Variants in ADAM18 observed in about 807,000 individuals in gnomAD.
ADAM18 encodes the protein disintegrin and metalloproteinase domain-containing protein 18.
A neutral mutation model predicts 94.4 loss-of-function variants in ADAM18; 117 were observed. The observed-to-expected ratio is 1.24, with a 90% confidence interval of 1.07 to 1.45. ADAM18 has a LOEUF of 1.45. Ranked by LOEUF, ADAM18 falls within the 40% of genes most tolerant of loss-of-function variation. ADAM18 has a pLI of 0.00. For synonymous variants in ADAM18, 327 were observed against 291.6 expected (o/e 1.12, Z -1.24); for missense variants, 936 against 880.0 (o/e 1.06, Z -0.81).
chr8:39,707,965 T>A (rs1822287617), intron 18 of ADAM18, among the ~76,000 whole-genome samples: 1 of 152,172 alleles, frequency 6.6e-6, no homozygotes, highest in African/African-American at 2.4e-5. Context: ...CAAAGCACTG[T>A]AACGGCGTAA....
chr8:39,660,220 A>G (rs188612400), intron 12 of ADAM18, among the ~76,000 whole-genome samples: 10 of 152,218 alleles, frequency 6.6e-5, no homozygotes, highest in Admixed American at 4.6e-4. Context: ...AATAACAACT[A>G]AAAAAATGGC....
chr8:39,655,383 A>G (rs540233656), intron 12 of ADAM18, among the ~76,000 whole-genome samples: 11 of 152,324 alleles, frequency 7.2e-5, no homozygotes, highest in African/African-American at 2.6e-4. Context: ...GATACAACAT[A>G]TACATAAACA....
At chr8:39,601,800 C>T (rs1443612459) in intron 2 of ADAM18, among the ~76,000 whole-genome samples, 2 of 152,182 alleles carry the variant, frequency 1.3e-5, no homozygotes, top group African/African-American at 4.8e-5. Flanking sequence ...AAAACTGAAT[C>T]TGTATACCCA....
chr8:39,680,335 C>A, intron 16 of ADAM18, 109 bp downstream of exon 16: 1 of 1,058,818 alleles, frequency 9.4e-7, no homozygotes, highest in Non-Finnish European at 1.3e-6. Context: ...TAAACTTGTG[C>A]TGGCATTTAT....
In ADAM18 at chr8:39,609,490, T is replaced by C. The variant is rs1250514276; in HGVS notation, c.273T>C (p.His91=). 3 of 1,610,538 alleles carry C rather than the reference T, an allele frequency of 1.9e-6. No individual in the cohort carries two copies. The highest frequency in any genetic ancestry group is 3.3e-5 in the Admixed American group (2 of 59,960). ...LHSVSPYFMM[H]CHYQGYAAEF... ...CTTTCTATACTGTTTTTCAGATGCA[T>C]TGCCATTACCAAGGATATGCTGCCG... Residue 91 remains histidine, a synonymous_variant, in exon 5 of 20, where the codon CAT becomes CAC. Coordinates refer to ENST00000265707, the MANE Select transcript of ADAM18 (RefSeq NM_014237.3).
intron 17 of ADAM18, among the ~76,000 whole-genome samples, chr8:39,706,453 T>G (rs1285616384): frequency 1.8e-4 from 27 of 152,114 alleles, no homozygotes; most frequent in Admixed American, 1.7e-3. Context: ...TGTTTCCAAA[T>G]TACTAAATAA....
At chr8:39,699,748 A>G (rs543837029) in intron 17 of ADAM18, among the ~76,000 whole-genome samples, 61 of 152,302 alleles carry the variant, frequency 4.0e-4, no homozygotes, top group Non-Finnish European at 8.2e-4. Flanking sequence ...TGTAGAGTAA[A>G]TATTGTTTCA....
At chr8:39,690,610 C>T (rs148889722) in intron 16 of ADAM18, among the ~76,000 whole-genome samples, 18 of 152,124 alleles carry the variant, frequency 1.2e-4, no homozygotes, top group African/African-American at 4.1e-4. Context: ...TATTGTTGTG[C>T]AACTGTCACT....
chr8:39,672,375 T>G (rs367657688), intron 14 of ADAM18, among the ~76,000 whole-genome samples: 1 of 152,294 alleles, frequency 6.6e-6, no homozygotes, highest in East Asian at 1.9e-4. Flanking sequence ...CAGATAGCAG[T>G]GCTTACCTAC....
intron 14 of ADAM18, among the ~76,000 whole-genome samples, chr8:39,673,929 G>T (rs113856595): frequency 1.3e-5 from 2 of 152,206 alleles, no homozygotes; most frequent in South Asian, 2.1e-4. Flanking sequence ...GTAGTTGTGC[G>T]GTTTTGAGAG....
chr8:39,656,779 T>G (rs144949017), intron 12 of ADAM18, among the ~76,000 whole-genome samples: 1 of 152,276 alleles, frequency 6.6e-6, no homozygotes, highest in East Asian at 1.9e-4. Flanking sequence ...ACAGAAACTT[T>G]CAAAGTGGAT....
At chr8:39,590,811 C>T (rs1392624914) in intron 2 of ADAM18, among the ~76,000 whole-genome samples, 1 of 152,076 alleles carries the variant, frequency 6.6e-6, no homozygotes, top group Non-Finnish European at 1.5e-5. Flanking sequence ...AGAAATAGAA[C>T]ATAAGAGCAA....
chr8:39,647,307 A>T (rs1820410907), intron 11 of ADAM18, among the ~76,000 whole-genome samples: 1 of 151,770 alleles, frequency 6.6e-6, no homozygotes, highest in Non-Finnish European at 1.5e-5. Context: ...CTATGCCTGG[A>T]TGTGCACGTA....
intron 6 of ADAM18, among the ~76,000 whole-genome samples, chr8:39,615,279 T>C (rs1280190029): frequency 1.3e-5 from 2 of 148,648 alleles, no homozygotes; most frequent in Admixed American, 1.3e-4. Context: ...ACAATAAAGA[T>C]AGAAGTTCAC....
chr8:39,586,793 T>TATCTATCTATC (rs1818413552), intron 2 of ADAM18, among the ~76,000 whole-genome samples: 1 of 136,114 alleles, frequency 7.3e-6, no homozygotes, highest in South Asian at 2.3e-4. Context: ...TCTATCTATC[T>TATCTATCTATC]ATCTATCTAT....
Position 39,634,688 on chromosome 8 carries a change from C to T in ADAM18, c.589-2576C>T, listed in dbSNP as rs1820029801. Among the ~76,000 whole-genome samples the T allele has an allele frequency of 2.6e-5, 4 of 152,262 alleles. No homozygotes were observed. In the South Asian group the frequency reaches 8.3e-4, roughly 32 times the overall value. On this transcript the variant is annotated intron_variant, in intron 7 of 19. Transcript: ENST00000265707. ...GGGAATGTCTGTTCTATGTCTGTCC[C>T]ACCATTGTATCTTGGAATCATATAA... is the stretch of plus-strand genomic sequence containing the variant.
At chr8:39,618,857 T>A (rs1018273818) in intron 6 of ADAM18, among the ~76,000 whole-genome samples, 3 of 152,178 alleles carry the variant, frequency 2.0e-5, no homozygotes, top group Non-Finnish European at 4.4e-5. Context: ...TCATAGGCTC[T>A]CTGCAGGGGG....
chr8:39,716,869 T>G (rs1020510821), intron 18 of ADAM18, among the ~76,000 whole-genome samples: 1 of 151,896 alleles, frequency 6.6e-6, no homozygotes, highest in Non-Finnish European at 1.5e-5. Context: ...TTTATATACT[T>G]ATGTGGTCAG....
intron 6 of ADAM18, among the ~76,000 whole-genome samples, chr8:39,626,214 G>T (rs578207569): frequency 3.9e-5 from 6 of 152,172 alleles, no homozygotes; most frequent in African/African-American, 1.4e-4. Context: ...AGTGTTCATA[G>T]TAGTCTTGGA....
Sources: allele counts gnomAD v4.1 joint callset (sites outside exome capture counted in the v4.1 genomes callset), GRCh38; gene constraint gnomAD v4.1.1; transcripts MANE v1.5; gene names NCBI Gene and HGNC (gene_info 2026-07-23, HGNC 2026-07-21).